The following FAM120C variants were observed in gnomAD, a reference collection of about 807,000 sequenced individuals.
FAM120C encodes family with sequence similarity 120 member C.
Under a neutral mutation model 71.2 loss-of-function variants are expected in FAM120C, and 14 were observed. The observed-to-expected ratio is 0.20, with a 90% confidence interval of 0.13 to 0.31. The LOEUF is 0.31. FAM120C is among the 10% of genes least tolerant of loss of function. FAM120C has a pLI of 1.00. For missense variants in FAM120C, 500 were observed against 879.0 expected (o/e 0.57, Z 5.45); for synonymous variants, 354 against 353.2 (o/e 1.00, Z -0.03).
Position 54,072,991 on chromosome X carries a change from G to A in FAM120C, c.*42C>T. On this transcript the variant is annotated 3_prime_UTR_variant, in exon 16 of 16. Transcript: ENST00000375180. ...TGGGCCTAAAATCAGAAAAGTAAAA[G>A]TTTTTCCCTCTTCCTGGTTTGGTGA... The A allele has an allele frequency of 8.6e-7, 1 of 1,167,340 alleles. No homozygotes were observed. The highest frequency in any genetic ancestry group is 1.1e-6 in the Non-Finnish European group (1 of 873,103).
chrX:54,183,020 G>A lies in FAM120C; in HGVS notation c.179C>T (p.Ser60Phe). The change falls in exon 1 of 16, where the codon TCC (serine) becomes TTC (phenylalanine). Residue 60 changes from serine to phenylalanine, a missense_variant. Ser to Phe is a radical substitution (Grantham distance 155, BLOSUM62 -2). This residue lies in a region of FAM120C where 79 missense variants were observed against 78.3 expected (regional missense o/e 1.01). Transcript: ENST00000375180. The part of the protein sequence containing the change: ...APGAPRAARG[S>F]VPLQPPLPPA... The stretch of plus-strand genomic sequence containing the variant: ...CGGAAGCGGCGGTTGCAGAGGCACG[G>A]AGCCCCTGGCGGCGCGTGGAGCCCC... 1 of 1,158,762 alleles carries A rather than the reference G, an allele frequency of 8.6e-7. No individual in the cohort carries two copies. Among genetic ancestry groups the A allele is most frequent in the Non-Finnish European group, 1.1e-6 (1 of 871,476 alleles).
At chrX:54,166,244 A>G (rs781904347) in intron 1 of FAM120C, among the ~76,000 whole-genome samples, 128 of 112,202 alleles carry the variant, frequency 1.1e-3, no homozygotes, top group African/African-American at 4.1e-3. Flanking sequence ...CAAATAATGT[A>G]TTGGTGAAGG....
chrX:54,080,925 T>G (rs1462902121), intron 14 of FAM120C, among the ~76,000 whole-genome samples: 1 of 108,577 alleles, frequency 9.2e-6, no homozygotes, highest in Non-Finnish European at 1.9e-5. Context: ...ATCCCAGCAC[T>G]TTGGAAAGCC....
chrX:54,151,515 G>A lies in FAM120C; in HGVS notation c.1030-142C>T, dbSNP rs2067184210. Reference sequence around the variant, plus strand: ...AAATATTTTCTTTAAAAATAGTTTTGCCCCTTCATTCTCAGTACAGAACAC... The same window carrying A: ...AAATATTTTCTTTAAAAATAGTTTTACCCCTTCATTCTCAGTACAGAACAC... On this transcript the variant is annotated intron_variant, in intron 3 of 15. Transcript: ENST00000375180. 5 of 675,951 alleles carry A rather than the reference G, an allele frequency of 7.4e-6. No homozygotes were observed. In the South Asian group the frequency reaches 1.6e-4, roughly 21 times the overall value. The allele number at this position is 675,951 out of a possible 1,213,427, so 55.7% of individuals were successfully genotyped here.
At chrX:54,091,486 C>T (rs1158690058) in intron 10 of FAM120C, 60 bp from the exon 11 acceptor site, 2 of 866,131 alleles carry the variant, frequency 2.3e-6, no homozygotes, top group African/African-American at 4.0e-5. Context: ...GTCACAAAAA[C>T]TTATTAAGCT....
intron 1 of FAM120C, among the ~76,000 whole-genome samples, chrX:54,176,323 CTTGGGAGGCTGAGGCAGGAGAA>C (rs2067317422): frequency 9.3e-6 from 1 of 107,840 alleles, no homozygotes; most frequent in Admixed American, 1.0e-4. Context: ...GTCCCAGCTA[CTTGGGAGGCTGAGGCAGGAGAA>C]TTGCTTGAAC....
intron 15 of FAM120C, among the ~76,000 whole-genome samples, chrX:54,074,091 G>A (rs1251256511): frequency 8.9e-6 from 1 of 111,750 alleles, no homozygotes; most frequent in African/African-American, 3.3e-5. Context: ...CTCCCAAAGT[G>A]CTGGGATTAT....
intron 10 of FAM120C, among the ~76,000 whole-genome samples, chrX:54,110,744 C>G: frequency 1.8e-5 from 2 of 109,155 alleles, no homozygotes; most frequent in South Asian, 8.0e-4. Context: ...GAGCCTGTCT[C>G]TAAAAAAAAA....
At chrX:54,129,013 G>A (rs1368912905) in intron 9 of FAM120C, among the ~76,000 whole-genome samples, 1 of 110,230 alleles carries the variant, frequency 9.1e-6, no homozygotes, top group South Asian at 3.9e-4. Flanking sequence ...GGTGGTGGCC[G>A]GGCAGAGGGG....
intron 9 of FAM120C, among the ~76,000 whole-genome samples, chrX:54,118,471 A>G (rs2066985424): frequency 9.1e-6 from 1 of 109,861 alleles, no homozygotes; most frequent in South Asian, 3.9e-4. Context: ...TAAATGCCCA[A>G]GAGTGTAAGT....
At chrX:54,105,220 C>T (rs868958223) in intron 10 of FAM120C, among the ~76,000 whole-genome samples, 5 of 111,682 alleles carry the variant, frequency 4.5e-5, no homozygotes, top group Admixed American at 9.6e-5. Flanking sequence ...ACGATCAAGT[C>T]GGCTTCATCC....
Position 54,161,354 on chromosome X carries a change from G to C in FAM120C, c.700-1738C>G, listed in dbSNP as rs782340591. On this transcript the variant is annotated intron_variant, in intron 1 of 15. Transcript: ENST00000375180. The stretch of plus-strand genomic sequence containing the variant: ...TCAGAAAAGTAAGATGCCATACTCA[G>C]AGCTATCGAGCTGGGAAACAGCAAC... 3.6e-5 allele frequency among the ~76,000 whole-genome samples: 4 copies of C among 111,581 alleles called. No individual in the cohort carries two copies. The East Asian group carries it at 1.1e-3, about 31-fold the overall frequency.
chrX:54,143,334 TAC>T (rs1276655136), intron 4 of FAM120C, among the ~76,000 whole-genome samples: 1 of 101,919 alleles, frequency 9.8e-6, no homozygotes, highest in Admixed American at 1.1e-4. Context: ...CTGAAGGAAA[TAC>T]AGACACAAAA....
At position 54,068,789 on chromosome X, in the gene FAM120C, C is replaced by CAGAATAGAATAGAAT. The variant is rs531470908; in HGVS notation, c.*4229_*4243dup. Reference sequence around the variant, plus strand: ...AAAAACAGAATAGAACAGAATAGAACAGAATAGAATAGAATAGAATAGAAT... The same window carrying CAGAATAGAATAGAAT: ...AAAAACAGAATAGAACAGAATAGAACAGAATAGAATAGAATAGAATAGAATAGAATAGAATAGAAT... On this transcript the variant is annotated 3_prime_UTR_variant, in exon 16 of 16. Transcript: ENST00000375180. 2.6e-3 allele frequency: 271 copies of CAGAATAGAATAGAAT among 103,226 alleles called. 3 individuals carry two copies. The highest frequency in any genetic ancestry group is 0.011 in the African/African-American group (264 of 25,141). 8.5% of individuals were successfully genotyped at this position (103,226 alleles called of 1,213,427 possible).
chrX:54,158,658 A>G (rs1268286249), intron 2 of FAM120C, among the ~76,000 whole-genome samples: 1 of 111,372 alleles, frequency 9.0e-6, no homozygotes, highest in Non-Finnish European at 1.9e-5. Context: ...AGTCCCAGCT[A>G]TTCAGGAAGC....
intron 9 of FAM120C, among the ~76,000 whole-genome samples, chrX:54,125,531 C>G (rs990604754): frequency 3.6e-5 from 4 of 112,306 alleles, no homozygotes; most frequent in Admixed American, 1.9e-4. Context: ...GTCTCAAATT[C>G]CAGAGCTCAA....
chrX:54,140,291 CAA>C (rs782194470), intron 4 of FAM120C, among the ~76,000 whole-genome samples: 4 of 53,173 alleles, frequency 7.5e-5, no homozygotes, highest in African/African-American at 7.3e-5. Flanking sequence ...GACTCTGTCT[CAA>C]AAAAAAAAAA....
At chrX:54,100,316 C>T (rs1319482873) in intron 10 of FAM120C, among the ~76,000 whole-genome samples, 1 of 110,845 alleles carries the variant, frequency 9.0e-6, no homozygotes, top group African/African-American at 3.3e-5. Flanking sequence ...ACGGTGAAAC[C>T]CCATCTCTAC....
At chrX:54,110,402 C>A (rs891115290) in intron 10 of FAM120C, among the ~76,000 whole-genome samples, 10 of 110,009 alleles carry the variant, frequency 9.1e-5, no homozygotes, top group African/African-American at 3.3e-4. Flanking sequence ...AAATACTTCT[C>A]AGTGAAGGGA....
Sources: gnomAD v4.1 joint callset for allele counts (sites outside exome capture counted in the v4.1 genomes callset) on GRCh38, gnomAD v4.1.1 for gene constraint, gnomAD v4.1.1 regional missense constraint, MANE v1.5 for transcripts, NCBI Gene and HGNC (gene_info 2026-07-23, HGNC 2026-07-21) for gene names.